BAZ1A: variants seen among roughly 807,000 people sequenced by gnomAD.
BAZ1A encodes bromodomain adjacent to zinc finger domain 1A.
A neutral mutation model predicts 185.2 loss-of-function variants in BAZ1A; 50 were observed. The observed-to-expected ratio is 0.27, with a 90% CI of 0.22 to 0.34. The LOEUF is 0.34. BAZ1A is among the 10% of genes least tolerant of loss of function. The probability of loss-of-function intolerance (pLI) is 1.00; values close to 1 mark genes in which losing one functional copy is unlikely to be tolerated. For synonymous variants in BAZ1A, 571 were observed against 615.6 expected, an observed-to-expected ratio of 0.93 and a Z score of 1.07; for missense variants, 1,356 against 1,839.9, an observed-to-expected ratio of 0.74 and a Z score of 4.81.
chr14:34,834,934 G>A (rs771847228), intron 3 of BAZ1A, among the ~76,000 whole-genome samples: 3 of 152,196 alleles, frequency 2.0e-5, no homozygotes, highest in Non-Finnish European at 2.9e-5. Flanking sequence ...TAATGATTAA[G>A]AGTCCTTACC....
intron 3 of BAZ1A, among the ~76,000 whole-genome samples, chr14:34,843,995 G>A (rs2042459817): frequency 1.3e-5 from 2 of 151,154 alleles, no homozygotes; most frequent in Admixed American, 6.6e-5. Context: ...CACGAGGTCA[G>A]GAGATCGAGA....
intron 21 of BAZ1A, among the ~76,000 whole-genome samples, chr14:34,769,400 T>C (rs575983217): frequency 3.5e-4 from 53 of 152,312 alleles, no homozygotes; most frequent in African/African-American, 1.3e-3. Context: ...ATTTCACTTA[T>C]TTCTTAAGAT....
At position 34,826,085 on chromosome 14, in the gene BAZ1A, C is replaced by G; in HGVS notation, c.464G>C (p.Ser155Thr). ...GATGATAATAGTTTCTCCATCCACA[C>G]TGTTAACATGTCCATTAGCAAAACC... ...QNGFANGHVN[S>T]VDGETIIISD... Residue 155 changes from serine (S) to threonine (T), a missense_variant, in exon 4 of 27, where the codon AGT (serine) becomes ACT (threonine). Transcript: ENST00000360310. The G allele has an allele frequency of 6.2e-7, 1 of 1,612,222 alleles. No homozygotes were observed. Among genetic ancestry groups the G allele is most frequent in the Non-Finnish European group, 8.5e-7 (1 of 1,178,934 alleles).
chr14:34,825,536 A>C (rs2042154673), intron 4 of BAZ1A, among the ~76,000 whole-genome samples: 1 of 151,596 alleles, frequency 6.6e-6, no homozygotes, highest in Non-Finnish European at 1.5e-5. Context: ...AGTAGCGTGA[A>C]CTAGGAAAAT....
rs191060614 is a variant in BAZ1A, at chr14:34,834,630, G to A, written c.393-8474C>T. The stretch of plus-strand genomic sequence containing the variant: ...GACTTTGTAGCACAACCAAACCACC[G>A]GTAGCATTCCTTGTCAATCTAATCA... On this transcript the variant is annotated intron_variant, in intron 3 of 26. Transcript: ENST00000360310. Among the ~76,000 whole-genome samples, 533 of 152,160 alleles carry A rather than the reference G, an allele frequency of 3.5e-3. 3 individuals are homozygous for A. The highest frequency in any genetic ancestry group is 0.012 in the African/African-American group (508 of 41,518).
chr14:34,864,287 G>C (rs1005146231), intron 2 of BAZ1A, among the ~76,000 whole-genome samples: 1 of 151,584 alleles, frequency 6.6e-6, no homozygotes, highest in African/African-American at 2.4e-5. Context: ...GGGACTACAG[G>C]TACATACCAC....
chr14:34,788,715 G>C (rs1441570321), intron 12 of BAZ1A, among the ~76,000 whole-genome samples: 1 of 152,116 alleles, frequency 6.6e-6, no homozygotes, highest in Non-Finnish European at 1.5e-5. Context: ...TCCTCCTAAA[G>C]TGAGATATGG....
chr14:34,824,370 T>A (rs1442403886), intron 4 of BAZ1A, among the ~76,000 whole-genome samples: 1 of 67,412 alleles, frequency 1.5e-5, no homozygotes, highest in Non-Finnish European at 2.4e-5. Flanking sequence ...CAGGACTCCA[T>A]CTCTTTAAAA....
intron 12 of BAZ1A, among the ~76,000 whole-genome samples, chr14:34,788,219 T>C (rs1406413200): frequency 6.6e-6 from 1 of 152,144 alleles, no homozygotes; most frequent in African/African-American, 2.4e-5. Flanking sequence ...GGTTTCACCA[T>C]CTTGGCCAGG....
chr14:34,763,308 G>A (rs895722791), intron 23 of BAZ1A, among the ~76,000 whole-genome samples: 19 of 152,018 alleles, frequency 1.2e-4, no homozygotes, highest in African/African-American at 4.3e-4. Context: ...TAAAACAGAT[G>A]GGGTGGCTCT....
At position 34,798,152 on chromosome 14, in the gene BAZ1A, G is replaced by A. The variant is rs527711752; in HGVS notation, c.1128+2072C>T. 9.2e-5 allele frequency among the ~76,000 whole-genome samples: 14 copies of A among 152,140 alleles called. No individual in the cohort carries two copies. The South Asian group carries it at 1.1e-3, about 12-fold the overall frequency. On this transcript the variant is annotated intron_variant, in intron 9 of 26. Coordinates refer to ENST00000360310, the MANE Select transcript of BAZ1A (RefSeq NM_013448.3). ...TCCGCCACTGCTGAGGGGCGTGTCC[G>A]CCATTGCTGAGGCTTGAGTAGGTAA...
intron 9 of BAZ1A, 38 bp downstream of exon 9, chr14:34,800,185 TA>T: frequency 1.5e-6 from 2 of 1,297,680 alleles, no homozygotes; most frequent in Non-Finnish European, 2.1e-6. Flanking sequence ...GTAGTATTAC[TA>T]TATGTAGAGA....
At chr14:34,774,924 C>T (rs1184694262) in intron 18 of BAZ1A, among the ~76,000 whole-genome samples, 1 of 152,192 alleles carries the variant, frequency 6.6e-6, no homozygotes, top group Admixed American at 6.5e-5. Flanking sequence ...TGAAAAGATG[C>T]TCAACATTGG....
At chr14:34,782,418 ATTT>A (rs537067831) in intron 16 of BAZ1A, among the ~76,000 whole-genome samples, 1 of 151,654 alleles carries the variant, frequency 6.6e-6, no homozygotes, top group South Asian at 2.1e-4. Context: ...TGTTTTTAAG[ATTT>A]TTTTTCTTTT....
chr14:34,810,555 CT>C (rs916568672), intron 5 of BAZ1A, among the ~76,000 whole-genome samples: 1 of 151,974 alleles, frequency 6.6e-6, no homozygotes, highest in African/African-American at 2.4e-5. Flanking sequence ...AAATAGGACC[CT>C]TTTTAATTCT....
At chr14:34,822,411 C>T (rs146858145) in intron 4 of BAZ1A, among the ~76,000 whole-genome samples, 420 of 152,182 alleles carry the variant, frequency 2.8e-3, no homozygotes, top group East Asian at 0.01. Flanking sequence ...ATTACTCGAG[C>T]TTAGGAATAC....
rs1555336962 is a variant in BAZ1A, at chr14:34,759,184, T to TTTTGTTTTGTTTTG, written c.4244-339_4244-338insCAAAACAAAACAAA. On this transcript the variant is annotated intron_variant, in intron 24 of 26. Coordinates refer to ENST00000360310, the MANE Select transcript of BAZ1A (RefSeq NM_013448.3). ...TTTACAGCTACAGTTTTTTTTTTTTTTTTTTTTTTTTTTTGAGATGGAGTC... is the reference window on the plus strand; with the variant it reads ...TTTACAGCTACAGTTTTTTTTTTTTTTTTGTTTTGTTTTGTTTTTTTTTTTTTTGAGATGGAGTC... Among the ~76,000 whole-genome samples the TTTTGTTTTGTTTTG allele has an allele frequency of 9.3e-5, 10 of 108,108 alleles. No homozygotes were observed. The East Asian group carries it at 2.0e-3, about 21-fold the overall frequency. 70.9% of individuals were successfully genotyped at this position (108,108 alleles called of 152,430 possible).
Position 34,863,096 on chromosome 14 carries a change from C to T in BAZ1A, c.114-774G>A, listed in dbSNP as rs138638845. On this transcript the variant is annotated intron_variant, in intron 2 of 26. Transcript: ENST00000360310. ...CTCCACCTCCCAGGTTTAAGCGATT[C>T]TCCTGCCTCAGCTTCCCGAGCAGCT... Among the ~76,000 whole-genome samples the T allele has an allele frequency of 5.4e-3, 784 of 143,876 alleles. 6 individuals are homozygous for T. Among genetic ancestry groups the T allele is most frequent in the African/African-American group, 0.019 (755 of 39,194 alleles). The allele number at this position is 143,876 out of a possible 152,430, so 94.4% of individuals were successfully genotyped here.
In BAZ1A at chr14:34,874,375, C is replaced by T; in HGVS notation, c.113+117G>A. On this transcript the variant is annotated intron_variant, in intron 2 of 26. Coordinates refer to ENST00000360310, the MANE Select transcript of BAZ1A (RefSeq NM_013448.3). This position sits in a 1 kb window ranked among gnomAD's most constrained non-coding sequence, Gnocchi z 4.7. ...GAGAACCGCGGGCCCGGGGGCCACC[C>T]GTCACTTTCAAGTCGCCCCGCCAGA... 9.9e-7 allele frequency: 1 copy of T among 1,005,216 alleles called. No homozygotes were observed. Among genetic ancestry groups the T allele is most frequent in the Non-Finnish European group, 1.5e-6 (1 of 663,304 alleles). The allele number at this position is 1,005,216 out of a possible 1,614,324, so 62.3% of individuals were successfully genotyped here. A position where few individuals can be genotyped will look rare whatever the true frequency, so the allele number is the denominator to read the frequency against.
Sources: allele counts gnomAD v4.1 joint callset (sites outside exome capture counted in the v4.1 genomes callset), GRCh38; gene constraint gnomAD v4.1.1; non-coding constraint Gnocchi (gnomAD v3.1); transcripts MANE v1.5; gene names NCBI Gene and HGNC (gene_info 2026-07-23, HGNC 2026-07-21).